The following NFIX variants were observed in gnomAD, a reference collection of about 807,000 sequenced individuals.
NFIX encodes the protein nuclear factor 1 X-type.
A neutral mutation model predicts 53.3 loss-of-function variants in NFIX; 2 were observed. That is an observed-to-expected ratio of 0.04 (90% CI 0.02 to 0.12). The LOEUF is 0.12. Among genes scored for constraint, NFIX ranks in the 10% least tolerant of loss-of-function variants. NFIX has a pLI of 1.00. For missense variants in NFIX, 310 were observed against 674.5 expected, an observed-to-expected ratio of 0.46 and a Z score of 5.99; for synonymous variants, 244 against 289.0, an observed-to-expected ratio of 0.84 and a Z score of 1.58.
In NFIX at chr19:13,068,847, C is replaced by T. The variant is rs2016591676; in HGVS notation, c.560-4200C>T. On this transcript the variant is annotated intron_variant, in intron 2 of 10. Coordinates refer to ENST00000592199, the MANE Select transcript of NFIX (RefSeq NM_001365902.3). This position sits in a 1 kb window ranked among gnomAD's most constrained non-coding sequence, Gnocchi z 4.2. ...GCCCAGGTCCCCAGAGAAGGACAGC[C>T]CGCAGAGCTGCGTGTTTGTGTGACA... is the stretch of plus-strand genomic sequence containing the variant. 1.3e-5 allele frequency among the ~76,000 whole-genome samples: 2 copies of T among 152,330 alleles called. No homozygotes were observed. Among genetic ancestry groups the T allele is most frequent in the South Asian group, 4.1e-4 (2 of 4,830 alleles).
rs192482926 is a variant in NFIX at position 13,037,337 on chromosome 19, C to T, written c.559+11785C>T. ...TCCTCCCCAGGGCATGACCACTTCC[C>T]CTACCAGACGTAGTAGGCCAGTTTC... On this transcript the variant is annotated intron_variant, in intron 2 of 10. Coordinates refer to ENST00000592199, the MANE Select transcript of NFIX (RefSeq NM_001365902.3). The surrounding 1 kb of genome is among the most constrained non-coding windows in gnomAD (Gnocchi z 4.2). Among the ~76,000 whole-genome samples, 1,193 of 152,286 alleles carry T rather than the reference C, an allele frequency of 7.8e-3. 10 individuals are homozygous for T. Among genetic ancestry groups the T allele is most frequent in the South Asian group, 0.033 (157 of 4,822 alleles).
intron 2 of NFIX, among the ~76,000 whole-genome samples, chr19:13,064,533 G>T (rs1278447899): frequency 6.6e-6 from 1 of 152,226 alleles, no homozygotes; most frequent in East Asian, 1.9e-4. Context: ...TGTGGGGAGG[G>T]ATATGCCTGT....
Position 13,052,127 on chromosome 19 carries a change from T to TTG in NFIX, c.560-20919_560-20918dup, listed in dbSNP as rs914969905. On this transcript the variant is annotated intron_variant, in intron 2 of 10. Transcript: ENST00000592199. This position sits in a 1 kb window ranked among gnomAD's most constrained non-coding sequence, Gnocchi z 5.2. ...CGGGTTGATATGCAGCTGCCTGCCC[T>TTG]TGCACCTCTGGGGGCTTGTTAAAAT... is the stretch of plus-strand genomic sequence containing the variant. 2.0e-5 allele frequency among the ~76,000 whole-genome samples: 3 copies of TTG among 152,186 alleles called. No individual in the cohort carries two copies. The highest frequency in any genetic ancestry group is 7.2e-5 in the African/African-American group (3 of 41,446).
intron 2 of NFIX, among the ~76,000 whole-genome samples, chr19:13,053,919 A>G (rs902960912): frequency 3.3e-5 from 5 of 151,948 alleles, no homozygotes; most frequent in East Asian, 1.9e-4. Flanking sequence ...CCCCACCTCT[A>G]CCATTCTGTC....
intron 2 of NFIX, among the ~76,000 whole-genome samples, chr19:13,031,181 A>G (rs1209967881): frequency 6.6e-6 from 1 of 152,248 alleles, no homozygotes; most frequent in Admixed American, 6.5e-5. Flanking sequence ...CAACCAGTCA[A>G]GAGCTCCCAT....
At chr19:13,024,795 TG>T in intron 1 of NFIX, 1 of 1,447,624 alleles carries the variant, frequency 6.9e-7, no homozygotes, top group Non-Finnish European at 9.4e-7. Context: ...CTGCTGAGGC[TG>T]AGATGGGAGC....
In NFIX at chr19:13,049,698, A is replaced by T. The variant is rs544539558; in HGVS notation, c.560-23349A>T. Among the ~76,000 whole-genome samples, 5 of 150,516 alleles carry T rather than the reference A, an allele frequency of 3.3e-5. No individual in the cohort carries two copies. The highest frequency in any genetic ancestry group is 7.4e-5 in the Non-Finnish European group (5 of 67,826). ...AACCTCTGCCTCCTGGGTTCAAGCG[A>T]TTCTTCTGCCTCGGCCTCCTAAGTA... On this transcript the variant is annotated intron_variant, in intron 2 of 10. Transcript: ENST00000592199. This position sits in a 1 kb window ranked among gnomAD's most constrained non-coding sequence, Gnocchi z 4.5.
rs770633880 is a variant in NFIX, at chr19:13,073,256, G to A, written c.622+147G>A. The stretch of plus-strand genomic sequence containing the variant: ...CTTAGCTTGCTGTCCTGAGGGGATG[G>A]GGGCACACCTAGAGGATCCCCCCTG... On this transcript the variant is annotated intron_variant, in intron 3 of 10. Transcript: ENST00000592199. This position sits in a 1 kb window ranked among gnomAD's most constrained non-coding sequence, Gnocchi z 4.5. The A allele has an allele frequency of 1.0e-6, 1 of 967,626 alleles. No individual in the cohort carries two copies. Among genetic ancestry groups the A allele is most frequent in the Admixed American group, 1.8e-5 (1 of 56,542 alleles). 59.9% of individuals were successfully genotyped at this position (967,626 alleles called of 1,614,324 possible). A position where few individuals can be genotyped will look rare whatever the true frequency, so the allele number is the denominator to read the frequency against.
rs569986200 is a variant in NFIX, at chr19:13,006,655, C to A, written c.27+10791C>A. ...AGCCTGTCACCCTGGCAGTACCAGGCTGCGCCATCTTTGCAGGGTCTTGGG... is the reference window on the plus strand; with the variant it reads ...AGCCTGTCACCCTGGCAGTACCAGGATGCGCCATCTTTGCAGGGTCTTGGG... On this transcript the variant is annotated intron_variant, in intron 1 of 10. Transcript: ENST00000592199. This position sits in a 1 kb window ranked among gnomAD's most constrained non-coding sequence, Gnocchi z 5.6. Among the ~76,000 whole-genome samples the A allele has an allele frequency of 6.6e-6, 1 of 152,320 alleles. No individual in the cohort carries two copies. The highest frequency in any genetic ancestry group is 2.1e-4 in the South Asian group (1 of 4,832).
chr19:13,095,279 AC>A lies in NFIX; in HGVS notation c.*634del. 1.1e-5 allele frequency: 1 copy of A among 87,190 alleles called. No homozygotes were observed. The highest frequency in any genetic ancestry group is 4.5e-5 in the African/African-American group (1 of 22,070). The allele number at this position is 87,190 out of a possible 1,614,324, so 5.4% of individuals were successfully genotyped here. A position where few individuals can be genotyped will look rare whatever the true frequency, so the allele number is the denominator to read the frequency against. ...GGGGAGAGCAGCCTCCACTTACCCC[AC>A]CCCACCCTTGGGCTAAAAGCCCCCA... On this transcript the variant is annotated 3_prime_UTR_variant, in exon 11 of 11. Transcript: ENST00000592199.
chr19:13,020,363 G>A (rs1005594255), intron 1 of NFIX, among the ~76,000 whole-genome samples: 1 of 152,186 alleles, frequency 6.6e-6, no homozygotes, highest in Non-Finnish European at 1.5e-5. Context: ...AATGGAACCC[G>A]AGCAATTCCT....
At position 13,049,876 on chromosome 19, in the gene NFIX, G is replaced by C. The variant is rs1351447031; in HGVS notation, c.560-23171G>C. Among the ~76,000 whole-genome samples the C allele has an allele frequency of 6.6e-6, 1 of 152,340 alleles. No individual in the cohort carries two copies. Among genetic ancestry groups the C allele is most frequent in the African/African-American group, 2.4e-5 (1 of 41,580 alleles). On this transcript the variant is annotated intron_variant, in intron 2 of 10. Coordinates refer to ENST00000592199, the MANE Select transcript of NFIX (RefSeq NM_001365902.3). This position sits in a 1 kb window ranked among gnomAD's most constrained non-coding sequence, Gnocchi z 4.5. ...CAAAGTGTTGGGATTACAGGCGAGAGCCACTGCACCCGGCCAGTTCCTTTT... is the reference window on the plus strand; with the variant it reads ...CAAAGTGTTGGGATTACAGGCGAGACCCACTGCACCCGGCCAGTTCCTTTT...
At chr19:13,033,630 C>T (rs1408918200) in intron 2 of NFIX, among the ~76,000 whole-genome samples, 1 of 152,218 alleles carries the variant, frequency 6.6e-6, no homozygotes, top group Non-Finnish European at 1.5e-5. Flanking sequence ...GTCTCTATCC[C>T]CTGCTTTAAT....
chr19:13,043,451 C>T lies in NFIX; in HGVS notation c.559+17899C>T, dbSNP rs1318744150. The stretch of plus-strand genomic sequence containing the variant: ...CCCAGGTCCACTTCTGAGGTGCAAG[C>T]CCATGCTGGCCGCCAGCACGTGCCA... On this transcript the variant is annotated intron_variant, in intron 2 of 10. Coordinates refer to ENST00000592199, the MANE Select transcript of NFIX (RefSeq NM_001365902.3). The surrounding 1 kb of genome is among the most constrained non-coding windows in gnomAD (Gnocchi z 4.0). Among the ~76,000 whole-genome samples the T allele has an allele frequency of 6.6e-6, 1 of 152,206 alleles. No individual in the cohort carries two copies. Among genetic ancestry groups the T allele is most frequent in the East Asian group, 1.9e-4 (1 of 5,204 alleles).
intron 2 of NFIX, among the ~76,000 whole-genome samples, chr19:13,062,254 T>G (rs1451098189): frequency 6.6e-6 from 1 of 152,172 alleles, no homozygotes; most frequent in African/African-American, 2.4e-5. Context: ...GCAGGAAGAT[T>G]AGCAGCATCA....
rs545406259 is a variant in NFIX, at chr19:13,059,036, A to G, written c.560-14011A>G. On this transcript the variant is annotated intron_variant, in intron 2 of 10. Transcript: ENST00000592199. ...CCTCCTCTCATCTTAGTCCTCCACCATTAGGATTCACACATCCACATGCAC... is the reference window on the plus strand; with the variant it reads ...CCTCCTCTCATCTTAGTCCTCCACCGTTAGGATTCACACATCCACATGCAC... Among the ~76,000 whole-genome samples, 13 of 152,260 alleles carry G rather than the reference A, an allele frequency of 8.5e-5. No homozygotes were observed. In the South Asian group the frequency reaches 2.5e-3, roughly 29 times the overall value.
At chr19:13,062,931 C>T (rs1168144978) in intron 2 of NFIX, among the ~76,000 whole-genome samples, 2 of 152,186 alleles carry the variant, frequency 1.3e-5, no homozygotes, top group Non-Finnish European at 2.9e-5. Flanking sequence ...CAGCCTAACT[C>T]CCACTTCCCC....
rs538789904 is a variant in NFIX at position 13,067,076 on chromosome 19, C to G, written c.560-5971C>G. ...CAGCTCTGATTGCTACAGGCAGGGC[C>G]TCTGGCTCCCCTTGAGATTGGGTTT... On this transcript the variant is annotated intron_variant, in intron 2 of 10. Transcript: ENST00000592199. This position sits in a 1 kb window ranked among gnomAD's most constrained non-coding sequence, Gnocchi z 4.2. Among the ~76,000 whole-genome samples, 104 of 152,358 alleles carry G rather than the reference C, an allele frequency of 6.8e-4. No homozygotes were observed. The highest frequency in any genetic ancestry group is 2.5e-3 in the African/African-American group (102 of 41,578).
chr19:13,058,399 C>T (rs1345831450), intron 2 of NFIX, among the ~76,000 whole-genome samples: 2 of 152,036 alleles, frequency 1.3e-5, no homozygotes, highest in African/African-American at 2.4e-5. Flanking sequence ...GTAATCAATG[C>T]CAGCACTAGG....
Sources: allele counts gnomAD v4.1 joint callset (sites outside exome capture counted in the v4.1 genomes callset), GRCh38; gene constraint gnomAD v4.1.1; non-coding constraint Gnocchi (gnomAD v3.1); transcripts MANE v1.5; gene names NCBI Gene and HGNC (gene_info 2026-07-23, HGNC 2026-07-21).